Variants in DPP6 observed in about 807,000 individuals in gnomAD.
DPP6 encodes the protein dipeptidyl peptidase like 6, also known as A-type potassium channel modulatory protein DPP6.
A neutral mutation model predicts 122.6 loss-of-function variants in DPP6; 69 were observed. The ratio of observed to expected loss-of-function variants is 0.56; its 90% CI spans 0.46 to 0.69. The LOEUF is 0.69. Ranked by LOEUF, DPP6 falls within the 30% of genes least tolerant of loss-of-function variation. The pLI, the probability that DPP6 is intolerant of heterozygous loss-of-function variation, is 0.00. For synonymous variants in DPP6, 418 were observed against 433.1 expected, an observed-to-expected ratio of 0.97 and a Z score of 0.43; for missense variants, 928 against 1,116.9, an observed-to-expected ratio of 0.83 and a Z score of 2.41.
intron 1 of DPP6, among the ~76,000 whole-genome samples, chr7:153,891,828 GGTAA>G (rs1285263223): frequency 1.3e-5 from 2 of 152,310 alleles, no homozygotes; most frequent in East Asian, 3.9e-4. Flanking sequence ...GTATGTGGTG[GGTAA>G]GTGAGGGCTG....
upstream of DPP6, among the ~76,000 whole-genome samples, chr7:153,884,987 AATATATATATATATAT>A (rs56329841): frequency 1.2e-4 from 14 of 116,458 alleles, no homozygotes; most frequent in African/African-American, 3.5e-4. Flanking sequence ...TCAAAACAAA[AATATATATATATATAT>A]ATATATATAT....
intron 7 of DPP6, among the ~76,000 whole-genome samples, chr7:154,726,565 C>T (rs555526125): frequency 1.1e-3 from 163 of 152,330 alleles, no homozygotes; most frequent in Admixed American, 2.0e-3. Context: ...GAGCCCGGCC[C>T]ATGAAACCAT....
chr7:154,536,234 G>C (rs1279542787), intron 3 of DPP6, among the ~76,000 whole-genome samples: 2 of 152,214 alleles, frequency 1.3e-5, no homozygotes, highest in Middle Eastern at 6.8e-3. Flanking sequence ...AGAAATTCTA[G>C]GAGAGGCAAA....
intron 7 of DPP6, among the ~76,000 whole-genome samples, chr7:154,709,358 T>TTTG (rs143254002): frequency 3.7e-4 from 55 of 149,308 alleles, no homozygotes; most frequent in Non-Finnish European, 5.5e-4. Flanking sequence ...TTTTTAATGT[T>TTTG]TTGTTGTTGT....
upstream of DPP6, among the ~76,000 whole-genome samples, chr7:154,049,506 T>C (rs1800187999): frequency 1.5e-5 from 2 of 130,358 alleles, no homozygotes; most frequent in Non-Finnish European, 3.4e-5. Context: ...GACTGCAATG[T>C]GTGTATCCGT....
chr7:154,729,666 G>A (rs1842239657), intron 8 of DPP6, among the ~76,000 whole-genome samples: 1 of 152,130 alleles, frequency 6.6e-6, no homozygotes, highest in African/African-American at 2.4e-5. Flanking sequence ...GGGCTAAGCA[G>A]CCCATTCTCT....
intron 16 of DPP6, among the ~76,000 whole-genome samples, chr7:154,824,821 A>C (rs1800036132): frequency 1.3e-5 from 2 of 152,200 alleles, no homozygotes; most frequent in Non-Finnish European, 2.9e-5. Context: ...TGCCCACTGC[A>C]GCCAGAAAGG....
the DPP6 span, among the ~76,000 whole-genome samples, chr7:153,847,075 A>T: frequency 6.6e-6 from 1 of 152,172 alleles, no homozygotes; most frequent in African/African-American, 2.4e-5. Flanking sequence ...TAGACTATTG[A>T]TTTAGCCATC....
chr7:154,530,129 GAA>G (rs912681590), intron 3 of DPP6, among the ~76,000 whole-genome samples: 1 of 104,344 alleles, frequency 9.6e-6, no homozygotes, highest in Non-Finnish European at 2.1e-5. Flanking sequence ...TGTCTCAAAA[GAA>G]AAAAAAAAAG....
chr7:154,252,235 T>TGTGCAC (rs60245069), intron 1 of DPP6, among the ~76,000 whole-genome samples: 3 of 149,346 alleles, frequency 2.0e-5, no homozygotes, highest in Non-Finnish European at 2.9e-5. Context: ...TGTGTGTGTG[T>TGTGCAC]GCGCGCATGC....
the DPP6 span, among the ~76,000 whole-genome samples, chr7:153,818,868 C>A: frequency 6.6e-6 from 1 of 151,854 alleles, no homozygotes; most frequent in Non-Finnish European, 1.5e-5. Context: ...TCTCCTGCCT[C>A]AGCCTCCCAA....
intron 1 of DPP6, among the ~76,000 whole-genome samples, chr7:154,301,811 T>G (rs1367443798): frequency 1.8e-5 from 1 of 56,104 alleles, no homozygotes; most frequent in Non-Finnish European, 3.0e-5. Context: ...TTTTTTTTTT[T>G]TTGTTGGAGA....
chr7:154,607,427 G>A (rs982865098), intron 5 of DPP6, among the ~76,000 whole-genome samples: 1 of 115,590 alleles, frequency 8.7e-6, no homozygotes, highest in African/African-American at 2.7e-5. Flanking sequence ...TGGGCATGGC[G>A]GCGGGCGCCT....
intron 21 of DPP6, among the ~76,000 whole-genome samples, chr7:154,882,049 C>G (rs771225159): frequency 2.6e-5 from 4 of 152,232 alleles, no homozygotes; most frequent in Non-Finnish European, 5.9e-5. Context: ...TCAGTCTTTT[C>G]CAGTCGTCAC....
chr7:154,073,447 CT>C (rs1192985242), intron 1 of DPP6, among the ~76,000 whole-genome samples: 2 of 152,262 alleles, frequency 1.3e-5, no homozygotes, highest in Admixed American at 6.5e-5. Context: ...TCCGCAGCCC[CT>C]GGACCTATAT....
intron 2 of DPP6, among the ~76,000 whole-genome samples, chr7:154,472,359 C>T (rs1822350105): frequency 6.6e-6 from 1 of 152,210 alleles, no homozygotes; most frequent in African/African-American, 2.4e-5. Context: ...ACTGCATCCA[C>T]CGACAACTTT....
chr7:154,232,585 A>G (rs1423580086), intron 1 of DPP6, among the ~76,000 whole-genome samples: 2 of 152,190 alleles, frequency 1.3e-5, no homozygotes, highest in Non-Finnish European at 2.9e-5. Context: ...TGGAGAACCA[A>G]TGGCCCTGTT....
chr7:154,358,867 G>A (rs1470315264), intron 1 of DPP6, among the ~76,000 whole-genome samples: 3 of 152,008 alleles, frequency 2.0e-5, no homozygotes, highest in Non-Finnish European at 4.4e-5. Flanking sequence ...CACCATGCCC[G>A]GCTAATTTTT....
At chr7:154,357,198 G>A (rs1811337570) in intron 1 of DPP6, among the ~76,000 whole-genome samples, 1 of 150,638 alleles carries the variant, frequency 6.6e-6, no homozygotes, top group Admixed American at 6.6e-5. Flanking sequence ...AACATACACA[G>A]TAGTTTTCTT....
Sources: gnomAD v4.1 joint callset for allele counts (sites outside exome capture counted in the v4.1 genomes callset) on GRCh38, gnomAD v4.1.1 for gene constraint, MANE v1.5 for transcripts, NCBI Gene and HGNC (gene_info 2026-07-23, HGNC 2026-07-21) for gene names.